CAPRIN2: variants seen among roughly 807,000 people sequenced by gnomAD.
The protein encoded by CAPRIN2 is caprin-2.
CAPRIN2 carries 66 observed loss-of-function variants against 130.4 expected under a neutral mutation model. That is an observed-to-expected ratio of 0.51 (90% CI 0.42 to 0.62). CAPRIN2 has a LOEUF of 0.62. CAPRIN2 is among the 20% of genes least tolerant of loss of function. The pLI is 0.00. For synonymous variants in CAPRIN2, 471 were observed against 444.1 expected (o/e 1.06, Z -0.76); for missense variants, 1,185 against 1,246.6 (o/e 0.95, Z 0.74).
At chr12:30,712,592 AC>A (rs1161722010) in intron 15 of CAPRIN2, among the ~76,000 whole-genome samples, 24 of 152,202 alleles carry the variant, frequency 1.6e-4, no homozygotes, top group Non-Finnish European at 2.9e-4. Context: ...CATGGAGAAT[AC>A]CTCAGTGTTA....
intron 11 of CAPRIN2, among the ~76,000 whole-genome samples, chr12:30,722,268 C>T (rs565933856): frequency 1.3e-5 from 2 of 152,084 alleles, no homozygotes; most frequent in East Asian, 3.9e-4. Flanking sequence ...TATTTGAAAC[C>T]AATGTTCCAA....
chr12:30,753,723 A>C, exon 1 of CAPRIN2: 2 of 1,613,490 alleles, frequency 1.2e-6, no homozygotes, highest in South Asian at 2.2e-5. Context: ...CACAGAAGTG[A>C]GCTCGAAACC....
chr12:30,741,212 A>G, intron 2 of CAPRIN2, 106 bp from the exon 4 acceptor site: 2 of 591,944 alleles, frequency 3.4e-6, no homozygotes, highest in Non-Finnish European at 2.8e-6. Context: ...TCTTATGGCT[A>G]TTTACTATAC....
At chr12:30,752,251 G>T (rs757953186) in intron 1 of CAPRIN2, among the ~76,000 whole-genome samples, 3 of 151,968 alleles carry the variant, frequency 2.0e-5, no homozygotes, top group Non-Finnish European at 4.4e-5. Context: ...GCATTCTTTA[G>T]GTTCCTCCTG....
chr12:30,739,965 A>T (rs923937857), intron 3 of CAPRIN2, among the ~76,000 whole-genome samples: 1 of 152,236 alleles, frequency 6.6e-6, no homozygotes, highest in African/African-American at 2.4e-5. Flanking sequence ...TAAAGACAGA[A>T]GACAGAAAAT....
chr12:30,736,727 C>T (rs1293026194), intron 3 of CAPRIN2, among the ~76,000 whole-genome samples: 1 of 152,150 alleles, frequency 6.6e-6, no homozygotes, highest in African/African-American at 2.4e-5. Context: ...AGGCTTTTTG[C>T]AAGACCTCAG....
At chr12:30,711,464 A>C in intron 16 of CAPRIN2, 102 bp downstream of exon 18, 1 of 915,366 alleles carries the variant, frequency 1.1e-6, no homozygotes, top group East Asian at 2.5e-5. Flanking sequence ...CAACAAGATA[A>C]ATGCTAAAAA....
At chr12:30,739,520 T>C (rs746817700) in intron 3 of CAPRIN2, among the ~76,000 whole-genome samples, 3 of 152,142 alleles carry the variant, frequency 2.0e-5, no homozygotes, top group Non-Finnish European at 2.9e-5. Flanking sequence ...TTTAACTTTA[T>C]AACAAACCTG....
chr12:30,752,894 A>G (rs2140058345), intron 1 of CAPRIN2, among the ~76,000 whole-genome samples: 1 of 152,322 alleles, frequency 6.6e-6, no homozygotes, highest in East Asian at 1.9e-4. Flanking sequence ...GCAATCTTAA[A>G]TCTTCACCTA....
rs761283471 is a variant in CAPRIN2, at chr12:30,741,147, T to C, written c.484-41A>G. The C allele has an allele frequency of 8.7e-6, 10 of 1,149,164 alleles. No individual in the cohort carries two copies. In the African/African-American group the frequency reaches 1.6e-4, roughly 18 times the overall value. The allele number at this position is 1,149,164 out of a possible 1,614,324, so 71.2% of individuals were successfully genotyped here. A position where few individuals can be genotyped will look rare whatever the true frequency, so the allele number is the denominator to read the frequency against. On this transcript the variant is annotated intron_variant, in intron 2 of 16. Coordinates refer to ENST00000298892, the Ensembl canonical transcript of CAPRIN2. ...AGAAAACATAAATTTTGTGACTGTT[T>C]AAGTATAAATATGTGAAAATAATGT...
intron 3 of CAPRIN2, among the ~76,000 whole-genome samples, chr12:30,736,502 A>G (rs930931940): frequency 6.6e-6 from 1 of 152,202 alleles, no homozygotes; most frequent in South Asian, 2.1e-4. Flanking sequence ...AAATCCTAAC[A>G]GATTAAAATT....
chr12:30,718,633 C>G (rs1254466287), intron 12 of CAPRIN2, among the ~76,000 whole-genome samples: 1 of 152,078 alleles, frequency 6.6e-6, no homozygotes, highest in East Asian at 1.9e-4. Context: ...CTCCAAAAAC[C>G]ATCTTGAGAT....
chr12:30,751,694 A>C (rs1391700425), intron 1 of CAPRIN2: 1 of 152,872 alleles, frequency 6.5e-6, no homozygotes, highest in Non-Finnish European at 1.5e-5. Context: ...TCTCATGCTT[A>C]AACTATTAGT....
intron 1 of CAPRIN2, among the ~76,000 whole-genome samples, chr12:30,752,443 A>T (rs1333258501): frequency 6.6e-6 from 1 of 152,126 alleles, no homozygotes; most frequent in Non-Finnish European, 1.5e-5. Context: ...TATCACAGTG[A>T]TGGGGAATTT....
intron 3 of CAPRIN2, among the ~76,000 whole-genome samples, chr12:30,736,450 A>C (rs2064860472): frequency 6.6e-6 from 1 of 151,842 alleles, no homozygotes; most frequent in Admixed American, 6.6e-5. Context: ...AAGTACTTTG[A>C]TATAGCATCG....
At chr12:30,726,230 C>T in intron 8 of CAPRIN2, 142 bp from the exon 10 acceptor site, 1 of 630,694 alleles carries the variant, frequency 1.6e-6, no homozygotes, top group South Asian at 7.6e-5. Flanking sequence ...CTCATAAATA[C>T]CTTTTCTAAA....
intron 2 of CAPRIN2, among the ~76,000 whole-genome samples, chr12:30,749,497 T>C (rs78476016): frequency 0.035 from 5,322 of 152,302 alleles, 106 homozygotes; most frequent in African/African-American, 0.049. Flanking sequence ...AAAGGTTATA[T>C]AGCCTAGATG....
At chr12:30,722,664 G>C (rs994630223) in intron 11 of CAPRIN2, among the ~76,000 whole-genome samples, 3 of 152,172 alleles carry the variant, frequency 2.0e-5, no homozygotes, top group Admixed American at 6.5e-5. Context: ...ACTTTGGGAG[G>C]CCAAGGCAGG....
intron 4 of CAPRIN2, 108 bp from the exon 6 acceptor site, chr12:30,733,819 T>G (rs1276328979): frequency 2.6e-6 from 2 of 755,010 alleles, no homozygotes; most frequent in African/African-American, 1.7e-5. Flanking sequence ...ATTCAAATGT[T>G]AATTTTGTCT....
Sources: gnomAD v4.1 joint callset for allele counts (sites outside exome capture counted in the v4.1 genomes callset) on GRCh38, gnomAD v4.1.1 for gene constraint, MANE v1.5 for transcripts, NCBI Gene and HGNC (gene_info 2026-07-23, HGNC 2026-07-21) for gene names.